CACNA1C: variants seen among roughly 807,000 people sequenced by gnomAD.
CACNA1C encodes the protein voltage-dependent L-type calcium channel subunit alpha-1C.
In CACNA1C, 30 loss-of-function variants were observed where a neutral mutation model predicts 229.0. That is an observed-to-expected ratio of 0.13 (90% CI 0.10 to 0.18). The LOEUF (loss-of-function observed/expected upper bound fraction) is 0.18. Ranked by LOEUF, CACNA1C falls within the 10% of genes least tolerant of loss-of-function variation. The pLI, the probability that CACNA1C is intolerant of heterozygous loss-of-function variation, is 1.00. For synonymous variants in CACNA1C, 1,114 were observed against 1,132.5 expected (o/e 0.98, Z 0.33); for missense variants, 1,658 against 2,845.0 (o/e 0.58, Z 9.49).
chr12:2,538,352 GA>G (rs1471290688), intron 9 of CACNA1C, among the ~76,000 whole-genome samples: 1 of 152,188 alleles, frequency 6.6e-6, no homozygotes, highest in African/African-American at 2.4e-5. Context: ...GGGCTGGCAG[GA>G]AGTTGTTGAG....
chr12:2,693,365 T>G lies in CACNA1C; in HGVS notation c.*2166T>G, dbSNP rs1385489133. On this transcript the variant is annotated 3_prime_UTR_variant, in exon 47 of 47. Transcript: ENST00000399655. ...CTTCCACCACACGGAATTTTCTCTT[T>G]GGCTTCCTTAGGAAAGTGTACACTA... 2.6e-5 allele frequency: 4 copies of G among 152,206 alleles called. No homozygotes were observed. Among genetic ancestry groups the G allele is most frequent in the African/African-American group, 7.2e-5 (3 of 41,436 alleles). 9.4% of individuals were successfully genotyped at this position (152,206 alleles called of 1,614,324 possible). A position where few individuals can be genotyped will look rare whatever the true frequency, so the allele number is the denominator to read the frequency against.
intron 1 of CACNA1C, among the ~76,000 whole-genome samples, chr12:2,110,936 T>TACCTGGCCCGAGAGGCCAC: frequency 1.0e-5 from 1 of 97,794 alleles, no homozygotes; most frequent in East Asian, 3.2e-4. Context: ...CGAGAGGCCA[T>TACCTGGCCCGAGAGGCCAC]ACCTGTCTCA....
At chr12:2,578,934 C>T (rs556475204) in intron 13 of CACNA1C, among the ~76,000 whole-genome samples, 3 of 152,250 alleles carry the variant, frequency 2.0e-5, no homozygotes, top group African/African-American at 7.2e-5. Context: ...TCTCTGCCTT[C>T]CCAGGAGTGT....
intron 3 of CACNA1C, among the ~76,000 whole-genome samples, chr12:2,242,279 C>G (rs1229919449): frequency 6.6e-6 from 1 of 152,188 alleles, no homozygotes; most frequent in Non-Finnish European, 1.5e-5. Flanking sequence ...TCTTCACTTT[C>G]CCGCAGAAAC....
chr12:2,211,367 C>G (rs2097912348), intron 3 of CACNA1C, among the ~76,000 whole-genome samples: 1 of 152,226 alleles, frequency 6.6e-6, no homozygotes, highest in African/African-American at 2.4e-5. Context: ...CATGGCTTCA[C>G]CAGGAGAGGT....
intron 1 of CACNA1C, among the ~76,000 whole-genome samples, chr12:2,009,227 C>T (rs76413792): frequency 0.016 from 2,449 of 152,198 alleles, 66 homozygotes; most frequent in African/African-American, 0.055. Context: ...CAATTTAAAA[C>T]AAGTTTGTAG....
At position 2,575,628 on chromosome 12, in the gene CACNA1C, C is replaced by G. The variant is rs976702518; in HGVS notation, c.1896-5962C>G. Among the ~76,000 whole-genome samples the G allele has an allele frequency of 6.6e-6, 1 of 152,096 alleles. No individual in the cohort carries two copies. Among genetic ancestry groups the G allele is most frequent in the Admixed American group, 6.5e-5 (1 of 15,278 alleles). ...CTTTTAACAATAGATCACTTGCCACCGAAACTAAGAATTTTTTTTTAGCCT... is the reference window on the plus strand; with the variant it reads ...CTTTTAACAATAGATCACTTGCCACGGAAACTAAGAATTTTTTTTTAGCCT... On this transcript the variant is annotated intron_variant, in intron 13 of 46. Coordinates refer to ENST00000399655, the MANE Select transcript of CACNA1C (RefSeq NM_000719.7). The surrounding 1 kb of genome is among the most constrained non-coding windows in gnomAD (Gnocchi z 4.0).
At chr12:2,279,192 C>T (rs2090128022) in intron 3 of CACNA1C, among the ~76,000 whole-genome samples, 1 of 152,064 alleles carries the variant, frequency 6.6e-6, no homozygotes, top group Admixed American at 6.6e-5. Flanking sequence ...TCTGTGTCAT[C>T]TTTTCTCTCT....
chr12:2,016,454 A>G (rs1565931243), intron 1 of CACNA1C, among the ~76,000 whole-genome samples: 1 of 152,004 alleles, frequency 6.6e-6, no homozygotes, highest in Non-Finnish European at 1.5e-5. Flanking sequence ...TTTGAGACGA[A>G]GTTTTACTCT....
At chr12:2,352,124 C>T (rs1224608061) in intron 3 of CACNA1C, among the ~76,000 whole-genome samples, 1 of 152,210 alleles carries the variant, frequency 6.6e-6, no homozygotes, top group Non-Finnish European at 1.5e-5. Context: ...TCTGTAGCAG[C>T]TTGGTGTGAA....
At chr12:2,309,126 A>AT (rs898633983) in intron 3 of CACNA1C, among the ~76,000 whole-genome samples, 2 of 152,310 alleles carry the variant, frequency 1.3e-5, no homozygotes, top group African/African-American at 4.8e-5. Context: ...AGAAAATGTG[A>AT]TTTTCTATAT....
intron 3 of CACNA1C, among the ~76,000 whole-genome samples, chr12:2,338,365 G>C (rs73605771): frequency 6.6e-6 from 1 of 152,100 alleles, no homozygotes; most frequent in East Asian, 1.9e-4. Context: ...GGCGCCTTGT[G>C]CACAAGGGTC....
Position 2,601,770 on chromosome 12 carries a change from C to G in CACNA1C, c.2854-84C>G. On this transcript the variant is annotated intron_variant, in intron 21 of 46. Transcript: ENST00000399655. This position sits in a 1 kb window ranked among gnomAD's most constrained non-coding sequence, Gnocchi z 5.9. ...GTGCTTGGGACTTGCCCAAGGGATG[C>G]TGTGGGAGGAAGGGGTGGTGTGAGG... is the stretch of plus-strand genomic sequence containing the variant. 1.2e-6 allele frequency: 1 copy of G among 846,820 alleles called. No homozygotes were observed. Among genetic ancestry groups the G allele is most frequent in the Non-Finnish European group, 2.1e-6 (1 of 483,718 alleles). 52.5% of individuals were successfully genotyped at this position (846,820 alleles called of 1,614,324 possible). A position where few individuals can be genotyped will look rare whatever the true frequency, so the allele number is the denominator to read the frequency against.
intron 5 of CACNA1C, among the ~76,000 whole-genome samples, chr12:2,475,187 T>C (rs1377621582): frequency 6.6e-6 from 1 of 151,834 alleles, no homozygotes; most frequent in Non-Finnish European, 1.5e-5. Context: ...TAGTCCCAGC[T>C]ACTCGGGAGG....
intron 1 of CACNA1C, among the ~76,000 whole-genome samples, chr12:2,063,669 A>G (rs1479702869): frequency 6.6e-6 from 1 of 152,232 alleles, no homozygotes; most frequent in Non-Finnish European, 1.5e-5. Context: ...TTTCAAAGGT[A>G]TCTTAGCATA....
At position 2,575,620 on chromosome 12, in the gene CACNA1C, C is replaced by T. The variant is rs563831486; in HGVS notation, c.1896-5970C>T. Among the ~76,000 whole-genome samples, 13 of 152,210 alleles carry T rather than the reference C, an allele frequency of 8.5e-5. No individual in the cohort carries two copies. The highest frequency in any genetic ancestry group is 1.3e-4 in the Non-Finnish European group (9 of 68,040). On this transcript the variant is annotated intron_variant, in intron 13 of 46. Transcript: ENST00000399655. This position sits in a 1 kb window ranked among gnomAD's most constrained non-coding sequence, Gnocchi z 4.0. Reference sequence around the variant, plus strand: ...TAACTGCTCTTTTAACAATAGATCACTTGCCACCGAAACTAAGAATTTTTT... The same window carrying T: ...TAACTGCTCTTTTAACAATAGATCATTTGCCACCGAAACTAAGAATTTTTT...
intron 3 of CACNA1C, among the ~76,000 whole-genome samples, chr12:2,442,572 C>T (rs1001275405): frequency 5.3e-5 from 8 of 152,136 alleles, no homozygotes; most frequent in South Asian, 2.1e-4. Flanking sequence ...CCAGGAGCAC[C>T]GGGGAATCCC....
intron 10 of CACNA1C, among the ~76,000 whole-genome samples, chr12:2,555,954 T>C (rs2043998700): frequency 6.6e-6 from 1 of 152,162 alleles, no homozygotes; most frequent in Non-Finnish European, 1.5e-5. Flanking sequence ...TCCTTGTTGC[T>C]CCACCACTGT....
chr12:2,501,072 G>C (rs1429406648), intron 7 of CACNA1C, among the ~76,000 whole-genome samples: 1 of 151,238 alleles, frequency 6.6e-6, no homozygotes, highest in Non-Finnish European at 1.5e-5. Flanking sequence ...AGCCAGGTGT[G>C]GTGGCGGGTG....
Sources: allele counts gnomAD v4.1 joint callset (sites outside exome capture counted in the v4.1 genomes callset), GRCh38; gene constraint gnomAD v4.1.1; non-coding constraint Gnocchi (gnomAD v3.1); transcripts MANE v1.5; gene names NCBI Gene and HGNC (gene_info 2026-07-23, HGNC 2026-07-21).